Variants in GREB1L observed in about 807,000 individuals in gnomAD.
The protein encoded by GREB1L is GREB1-like protein.
A neutral mutation model predicts 200.8 loss-of-function variants in GREB1L; 17 were observed. The observed-to-expected ratio is 0.08, with a 90% CI of 0.06 to 0.13. GREB1L has a LOEUF of 0.13. GREB1L is among the 10% of genes least tolerant of loss of function. The pLI, the probability that GREB1L is intolerant of heterozygous loss-of-function variation, is 1.00. For missense variants in GREB1L, 1,657 were observed against 2,367.7 expected (o/e 0.70, Z 6.23); for synonymous variants, 789 against 893.0 (o/e 0.88, Z 2.08).
chr18:21,420,373 C>T (rs1053478728), intron 7 of GREB1L, among the ~76,000 whole-genome samples: 10 of 135,094 alleles, frequency 7.4e-5, no homozygotes, highest in Admixed American at 3.1e-4. Context: ...GACTCCATCT[C>T]GAAAAAAAAA....
chr18:21,455,090 A>G (rs1008772498), intron 15 of GREB1L: 1 of 153,592 alleles, frequency 6.5e-6, no homozygotes, highest in African/African-American at 2.4e-5. Flanking sequence ...TGTTTTTCCC[A>G]GAAAATGTGA....
At chr18:21,278,241 G>A (rs185518901) in intron 1 of GREB1L, among the ~76,000 whole-genome samples, 49 of 151,872 alleles carry the variant, frequency 3.2e-4, no homozygotes, top group African/African-American at 1.2e-3. Context: ...TTAGCCAGGC[G>A]TGGTGGCAGG....
intron 9 of GREB1L, among the ~76,000 whole-genome samples, chr18:21,440,867 A>G (rs528606441): frequency 6.6e-6 from 1 of 152,346 alleles, no homozygotes; most frequent in Admixed American, 6.5e-5. Context: ...TGCTGAACAA[A>G]CCACAGACAA....
At chr18:21,425,129 GT>G (rs2032461952) in intron 7 of GREB1L, among the ~76,000 whole-genome samples, 1 of 152,022 alleles carries the variant, frequency 6.6e-6, no homozygotes, top group Admixed American at 6.6e-5. Flanking sequence ...TTTATAAGAG[GT>G]TTTTTAAATA....
At chr18:21,463,642 A>T (rs946914044) in intron 15 of GREB1L, among the ~76,000 whole-genome samples, 9 of 152,172 alleles carry the variant, frequency 5.9e-5, no homozygotes, top group African/African-American at 2.2e-4. Context: ...CAGTGGCATG[A>T]TCATGCCCCA....
chr18:21,481,029 A>C (rs1321634588), intron 17 of GREB1L, among the ~76,000 whole-genome samples: 1 of 152,102 alleles, frequency 6.6e-6, no homozygotes, highest in Non-Finnish European at 1.5e-5. Context: ...AGAAAGAAAA[A>C]GAAAACTGAT....
intron 20 of GREB1L, among the ~76,000 whole-genome samples, chr18:21,496,150 C>G (rs1306853977): frequency 1.3e-5 from 2 of 152,138 alleles, no homozygotes; most frequent in Non-Finnish European, 2.9e-5. Flanking sequence ...ACAATAAAAG[C>G]ATTAGCTGAA....
At chr18:21,515,919 CAA>C (rs2037400654) in intron 29 of GREB1L, among the ~76,000 whole-genome samples, 1 of 152,210 alleles carries the variant, frequency 6.6e-6, no homozygotes, top group African/African-American at 2.4e-5. Context: ...ACTACTGACT[CAA>C]GTCAGTGTGT....
At chr18:21,433,745 G>C (rs991548422) in intron 7 of GREB1L, among the ~76,000 whole-genome samples, 3 of 152,148 alleles carry the variant, frequency 2.0e-5, no homozygotes, top group Admixed American at 2.0e-4. Flanking sequence ...AATTTTCTAG[G>C]TAATTTCTAA....
At chr18:21,412,745 A>G (rs562789766) in intron 7 of GREB1L, among the ~76,000 whole-genome samples, 25 of 152,222 alleles carry the variant, frequency 1.6e-4, no homozygotes, top group Non-Finnish European at 2.6e-4. Context: ...GTGGTTTCAT[A>G]GATATTTGCC....
chr18:21,350,574 T>C (rs2039418496), intron 1 of GREB1L, among the ~76,000 whole-genome samples: 2 of 152,158 alleles, frequency 1.3e-5, no homozygotes, highest in Admixed American at 6.6e-5. Context: ...GTTTTACATA[T>C]TTTGAACATG....
intron 2 of GREB1L, among the ~76,000 whole-genome samples, chr18:21,368,808 A>G (rs1458793293): frequency 6.6e-6 from 1 of 152,166 alleles, no homozygotes; most frequent in Non-Finnish European, 1.5e-5. Flanking sequence ...ATGCTTAGTC[A>G]CTCAAATATA....
In GREB1L at chr18:21,490,309, C is replaced by T; in HGVS notation, c.2988C>T (p.Ala996=). ...TTGAGATCATCCTTGGGAACCCGGC[C>T]ACCGAACTCAGTGTTGCAACTCACT... is the stretch of plus-strand genomic sequence containing the variant. The part of the protein sequence containing the change: ...YRFEIILGNP[A]TELSVATHFV... The change falls in exon 19 of 33, where the codon GCC becomes GCT. Residue 996 remains alanine, a synonymous_variant. Coordinates refer to ENST00000424526, the MANE Select transcript of GREB1L (RefSeq NM_001142966.3). 1.3e-6 allele frequency: 2 copies of T among 1,551,840 alleles called. No homozygotes were observed. The highest frequency in any genetic ancestry group is 1.2e-5 in the South Asian group (1 of 84,054).
At chr18:21,330,650 C>T (rs1315710552) in intron 1 of GREB1L, among the ~76,000 whole-genome samples, 1 of 152,088 alleles carries the variant, frequency 6.6e-6, no homozygotes, top group Non-Finnish European at 1.5e-5. Flanking sequence ...CTCAAATGGC[C>T]TTTGGTTTTC....
At chr18:21,274,843 C>A (rs1179076676) in intron 1 of GREB1L, among the ~76,000 whole-genome samples, 1 of 151,816 alleles carries the variant, frequency 6.6e-6, no homozygotes, top group Non-Finnish European at 1.5e-5. Context: ...ACTATGAGTG[C>A]GCTACTGCAC....
intron 1 of GREB1L, among the ~76,000 whole-genome samples, chr18:21,254,253 A>G (rs1238376801): frequency 6.6e-6 from 1 of 151,460 alleles, no homozygotes; most frequent in African/African-American, 2.4e-5. Context: ...TATTTTTAGT[A>G]CAGACAGGGT....
At chr18:21,310,472 C>G (rs1369494793) in intron 1 of GREB1L, among the ~76,000 whole-genome samples, 1 of 152,188 alleles carries the variant, frequency 6.6e-6, no homozygotes, top group East Asian at 1.9e-4. Flanking sequence ...CTTTTCATGT[C>G]TGACTTACTA....
At chr18:21,270,480 C>T (rs747777649) in intron 1 of GREB1L, among the ~76,000 whole-genome samples, 1 of 152,138 alleles carries the variant, frequency 6.6e-6, no homozygotes, top group Non-Finnish European at 1.5e-5. Context: ...ATCTCTTTCT[C>T]ATCATGTCTA....
intron 15 of GREB1L, among the ~76,000 whole-genome samples, chr18:21,459,376 T>G (rs2034933960): frequency 6.9e-6 from 1 of 145,216 alleles, no homozygotes; most frequent in African/African-American, 2.5e-5. Context: ...ACCTCCGCCC[T>G]TCAGGTTCAA....
Sources: gnomAD v4.1 joint callset for allele counts (sites outside exome capture counted in the v4.1 genomes callset) on GRCh38, gnomAD v4.1.1 for gene constraint, MANE v1.5 for transcripts, NCBI Gene and HGNC (gene_info 2026-07-23, HGNC 2026-07-21) for gene names.